The following B3GALT1 variants were observed in gnomAD, a reference collection of about 807,000 sequenced individuals.
B3GALT1 encodes the protein beta-1,3-galactosyltransferase 1.
In B3GALT1, 10 loss-of-function variants were observed where a neutral mutation model predicts 23.2. The observed-to-expected ratio is 0.43, with a 90% CI of 0.27 to 0.73. The LOEUF is 0.73. Ranked by LOEUF, B3GALT1 falls within the 30% of genes least tolerant of loss-of-function variation. B3GALT1 has a pLI of 0.21. For synonymous variants in B3GALT1, 156 were observed against 141.5 expected (o/e 1.10, Z -0.73); for missense variants, 299 against 405.4 (o/e 0.74, Z 2.25).
chr2:167,627,302 G>A (rs1041335092), intron 2 of B3GALT1, among the ~76,000 whole-genome samples: 6 of 151,638 alleles, frequency 4.0e-5, no homozygotes, highest in African/African-American at 1.5e-4. Context: ...GTTTTCTTAT[G>A]CTCCTTTATA....
chr2:167,651,465 T>A (rs1685865820), intron 3 of B3GALT1, among the ~76,000 whole-genome samples: 1 of 152,164 alleles, frequency 6.6e-6, no homozygotes, highest in Non-Finnish European at 1.5e-5. Context: ...AGTCACTAAA[T>A]TATCTTTTAA....
intron 3 of B3GALT1, among the ~76,000 whole-genome samples, chr2:167,670,722 A>T (rs1039883297): frequency 5.9e-5 from 9 of 152,222 alleles, no homozygotes; most frequent in African/African-American, 2.2e-4. Context: ...AAAGAACCAA[A>T]CAGAAATTCT....
intron 1 of B3GALT1, among the ~76,000 whole-genome samples, chr2:167,436,723 G>A (rs962239210): frequency 2.0e-5 from 3 of 152,020 alleles, no homozygotes; most frequent in African/African-American, 7.2e-5. Context: ...AAGATACGGT[G>A]TGGGCTTCCA....
Position 167,496,636 on chromosome 2 carries a change from T to G in B3GALT1, c.-410+6359T>G, listed in dbSNP as rs578225177. 5.9e-5 allele frequency among the ~76,000 whole-genome samples: 9 copies of G among 152,282 alleles called. No individual in the cohort carries two copies. The South Asian group carries it at 1.9e-3, about 32-fold the overall frequency. On this transcript the variant is annotated intron_variant, in intron 2 of 4. Coordinates refer to ENST00000392690, the MANE Select transcript of B3GALT1 (RefSeq NM_020981.4). ...CAAAATAAAGCATATTCTATCAGGG[T>G]GTTACGGACTGAAGTTTTGTATCCC...
intron 1 of B3GALT1, among the ~76,000 whole-genome samples, chr2:167,468,885 A>G (rs1394397658): frequency 2.0e-5 from 3 of 152,172 alleles, no homozygotes; most frequent in Non-Finnish European, 4.4e-5. Context: ...AATAATAATC[A>G]TCATAATGAA....
intron 1 of B3GALT1, among the ~76,000 whole-genome samples, chr2:167,422,600 A>G (rs1396136926): frequency 6.6e-6 from 1 of 152,116 alleles, no homozygotes; most frequent in Non-Finnish European, 1.5e-5. Flanking sequence ...AGAAACCATG[A>G]GTGTACTTGA....
chr2:167,375,500 C>G (rs978533210), intron 1 of B3GALT1, among the ~76,000 whole-genome samples: 1 of 152,038 alleles, frequency 6.6e-6, no homozygotes, highest in African/African-American at 2.4e-5. Flanking sequence ...TTGTTTGTTT[C>G]ATCTATGATT....
chr2:167,406,071 T>A (rs563323398), intron 1 of B3GALT1, among the ~76,000 whole-genome samples: 31 of 152,142 alleles, frequency 2.0e-4, no homozygotes, highest in Non-Finnish European at 3.5e-4. Flanking sequence ...TTTAAAGTAA[T>A]CATTTAAAAT....
intron 1 of B3GALT1, among the ~76,000 whole-genome samples, chr2:167,424,591 ATG>A (rs953307664): frequency 3.6e-4 from 54 of 151,408 alleles, no homozygotes; most frequent in African/African-American, 1.3e-3. Context: ...GTTTGTGTGT[ATG>A]TGTGTGTGTG....
intron 2 of B3GALT1, among the ~76,000 whole-genome samples, chr2:167,616,644 G>A (rs1056576391): frequency 6.6e-6 from 1 of 151,956 alleles, no homozygotes; most frequent in Non-Finnish European, 1.5e-5. Flanking sequence ...ACAGTGAGCC[G>A]AGATCACGCC....
rs534685288 is a variant in B3GALT1, at chr2:167,296,765, A to G, written c.-511+3431A>G. On this transcript the variant is annotated intron_variant, in intron 1 of 4. Coordinates refer to ENST00000392690, the MANE Select transcript of B3GALT1 (RefSeq NM_020981.4). The stretch of plus-strand genomic sequence containing the variant: ...ATACATACACTATTGTATGAATTCA[A>G]TGAATACTTGTATGAGTAAATCACA... Among the ~76,000 whole-genome samples, 18 of 152,308 alleles carry G rather than the reference A, an allele frequency of 1.2e-4. No homozygotes were observed. In the South Asian group the frequency reaches 2.1e-3, roughly 18 times the overall value.
Position 167,873,765 on chromosome 2 carries a change from C to T in B3GALT1, c.*3745C>T, listed in dbSNP as rs1214103424. The T allele has an allele frequency of 6.6e-6, 1 of 152,162 alleles. No individual in the cohort carries two copies. Among genetic ancestry groups the T allele is most frequent in the Admixed American group, 6.5e-5 (1 of 15,270 alleles). 9.4% of individuals were successfully genotyped at this position (152,162 alleles called of 1,614,324 possible). On this transcript the variant is annotated 3_prime_UTR_variant, in exon 5 of 5. Transcript: ENST00000392690. ...ATACTGTTTCGCCAAAAGTAATTGT[C>T]TGTAAAAGTGCACTCTCCAGGTTTG...
At chr2:167,835,698 A>G (rs1356821354) in intron 4 of B3GALT1, among the ~76,000 whole-genome samples, 8 of 152,354 alleles carry the variant, frequency 5.3e-5, no homozygotes, top group Non-Finnish European at 1.2e-4. Flanking sequence ...CCCAGCATGC[A>G]GCTGGAGATC....
At chr2:167,630,093 C>A (rs1370658052) in intron 2 of B3GALT1, among the ~76,000 whole-genome samples, 4 of 151,746 alleles carry the variant, frequency 2.6e-5, no homozygotes, top group Non-Finnish European at 5.9e-5. Flanking sequence ...ACCTCTCTAA[C>A]CTCCATGTTC....
chr2:167,422,650 A>G (rs1698565353), intron 1 of B3GALT1, among the ~76,000 whole-genome samples: 1 of 151,764 alleles, frequency 6.6e-6, no homozygotes, highest in African/African-American at 2.4e-5. Flanking sequence ...GTGGTTATGG[A>G]TACCTGATTC....
chr2:167,441,858 T>A (rs1213172341), intron 1 of B3GALT1, among the ~76,000 whole-genome samples: 1 of 150,734 alleles, frequency 6.6e-6, no homozygotes, highest in African/African-American at 2.5e-5. Context: ...CAAGATCCCA[T>A]GTTTTTTTTT....
intron 2 of B3GALT1, among the ~76,000 whole-genome samples, chr2:167,606,202 G>A (rs1684959252): frequency 2.6e-5 from 4 of 152,156 alleles, no homozygotes. Flanking sequence ...TAGAAAGGGA[G>A]ATTAGGGCAA....
At chr2:167,514,967 C>T (rs1246277341) in intron 2 of B3GALT1, among the ~76,000 whole-genome samples, 2 of 151,868 alleles carry the variant, frequency 1.3e-5, no homozygotes, top group Non-Finnish European at 2.9e-5. Context: ...TTGTTATGAT[C>T]ATTATCTTAT....
At chr2:167,673,849 A>G (rs1235282274) in intron 3 of B3GALT1, among the ~76,000 whole-genome samples, 4 of 152,056 alleles carry the variant, frequency 2.6e-5, no homozygotes, top group African/African-American at 9.7e-5. Context: ...AAATATTTTC[A>G]CAGACCTCTG....
Sources: allele counts gnomAD v4.1 joint callset (sites outside exome capture counted in the v4.1 genomes callset), GRCh38; gene constraint gnomAD v4.1.1; transcripts MANE v1.5; gene names NCBI Gene and HGNC (gene_info 2026-07-23, HGNC 2026-07-21).